The following RANBP2 variants were observed in gnomAD, a reference collection of about 807,000 sequenced individuals.
RANBP2 encodes the protein RAN binding protein 2, also known as E3 SUMO-protein ligase RanBP2.
RANBP2 carries 57 observed loss-of-function variants against 303.6 expected under a neutral mutation model. The ratio of observed to expected loss-of-function variants is 0.19; its 90% CI spans 0.15 to 0.23. The LOEUF is 0.23. Among genes scored for constraint, RANBP2 ranks in the 10% least tolerant of loss-of-function variants. RANBP2 has a pLI of 1.00. For synonymous variants in RANBP2, 1,167 were observed against 1,301.5 expected, an observed-to-expected ratio of 0.90 and a Z score of 2.23; for missense variants, 3,138 against 3,780.8, an observed-to-expected ratio of 0.83 and a Z score of 4.46.
At chr2:109,761,276 C>T in the RANBP2 span, among the ~76,000 whole-genome samples, 3 of 147,412 alleles carry the variant, frequency 2.0e-5, no homozygotes, top group Admixed American at 6.8e-5. Flanking sequence ...CTCTCCCACC[C>T]ACTTCCACCG....
the RANBP2 span, among the ~76,000 whole-genome samples, chr2:108,826,729 A>T: frequency 4.6e-5 from 7 of 152,186 alleles, no homozygotes. Flanking sequence ...GTTCTGGGTC[A>T]ATGGCATTTT....
At chr2:109,010,492 C>T in the RANBP2 span, among the ~76,000 whole-genome samples, 1 of 152,138 alleles carries the variant, frequency 6.6e-6, no homozygotes, top group African/African-American at 2.4e-5. Flanking sequence ...TGGCTTATTA[C>T]TCATGGTTCT....
At chr2:109,692,420 T>C in the RANBP2 span, among the ~76,000 whole-genome samples, 309 of 152,206 alleles carry the variant, frequency 2.0e-3, 2 homozygotes, top group Middle Eastern at 0.031. Context: ...AACCACTGAG[T>C]TGTTTACCTT....
the RANBP2 span, among the ~76,000 whole-genome samples, chr2:108,953,347 C>G: frequency 3.3e-5 from 5 of 152,162 alleles, no homozygotes. Context: ...CTGGGACTTT[C>G]TTCTGTGCAG....
chr2:109,456,477 C>A, the RANBP2 span, among the ~76,000 whole-genome samples: 6 of 152,212 alleles, frequency 3.9e-5, no homozygotes, highest in Non-Finnish European at 8.8e-5. Context: ...GGAGTGGCAA[C>A]CTTTCTCTAA....
chr2:109,267,666 G>T, the RANBP2 span, among the ~76,000 whole-genome samples: 26 of 152,294 alleles, frequency 1.7e-4, no homozygotes, highest in Middle Eastern at 3.4e-3. Context: ...CCTGAGGTCT[G>T]GGAGGCAGGA....
the RANBP2 span, among the ~76,000 whole-genome samples, chr2:109,033,289 C>G: frequency 6.6e-6 from 1 of 152,176 alleles, no homozygotes; most frequent in Non-Finnish European, 1.5e-5. Flanking sequence ...TTTTGTGAAA[C>G]AGAGACACTG....
the RANBP2 span, among the ~76,000 whole-genome samples, chr2:109,555,721 C>G: frequency 5.3e-5 from 8 of 152,176 alleles, no homozygotes; most frequent in African/African-American, 1.9e-4. Flanking sequence ...GCTGACCAAT[C>G]GTTACCTCTT....
At chr2:109,647,886 C>A in the RANBP2 span, among the ~76,000 whole-genome samples, 5 of 152,234 alleles carry the variant, frequency 3.3e-5, no homozygotes, top group African/African-American at 1.2e-4. Context: ...TGAGAACAAG[C>A]ATCATTCCAC....
At chr2:108,825,453 G>C in the RANBP2 span, among the ~76,000 whole-genome samples, 1 of 151,368 alleles carries the variant, frequency 6.6e-6, no homozygotes, top group Non-Finnish European at 1.5e-5. Context: ...CAACCCATTA[G>C]CAGTTGCCCA....
the RANBP2 span, among the ~76,000 whole-genome samples, chr2:109,051,232 C>T: frequency 1.3e-5 from 2 of 152,166 alleles, no homozygotes; most frequent in African/African-American, 4.8e-5. Flanking sequence ...GTTAACTTTG[C>T]CTACCCTGCT....
At chr2:109,347,607 G>T in the RANBP2 span, 1 of 1,558,498 alleles carries the variant, frequency 6.4e-7, no homozygotes, top group Non-Finnish European at 8.7e-7. Flanking sequence ...GGCCTGCCCC[G>T]GCAGATCCAC....
chr2:109,407,901 C>T, the RANBP2 span, among the ~76,000 whole-genome samples: 4 of 152,158 alleles, frequency 2.6e-5, no homozygotes, highest in Non-Finnish European at 4.4e-5. Flanking sequence ...TGATTTTTGT[C>T]GATTGCAAAG....
chr2:109,540,977 G>A, the RANBP2 span, among the ~76,000 whole-genome samples: 1 of 152,268 alleles, frequency 6.6e-6, no homozygotes, highest in East Asian at 1.9e-4. Context: ...TGTAATCCAA[G>A]TACTTACTGA....
the RANBP2 span, among the ~76,000 whole-genome samples, chr2:109,729,545 G>C: frequency 3.9e-5 from 6 of 152,130 alleles, no homozygotes; most frequent in Non-Finnish European, 8.8e-5. Context: ...AGCTACACGG[G>C]AGGTTGAGGC....
At chr2:108,843,876 G>GTCTGTGTGTGTGTGTGTT in the RANBP2 span, among the ~76,000 whole-genome samples, 1 of 13,872 alleles carries the variant, frequency 7.2e-5, no homozygotes, top group African/African-American at 9.6e-5. Context: ...GTGTGTGTGT[G>GTCTGTGTGTGTGTGTGTT]TGTTTCTTTC....
the RANBP2 span, among the ~76,000 whole-genome samples, chr2:109,648,845 G>T: frequency 0.22 from 33,564 of 151,552 alleles, 4,035 homozygotes; most frequent in Middle Eastern, 0.3. Context: ...GTAGAGATGG[G>T]TTTTCAGCAT....
chr2:109,327,596 T>G, the RANBP2 span, among the ~76,000 whole-genome samples: 1 of 152,242 alleles, frequency 6.6e-6, no homozygotes, highest in Non-Finnish European at 1.5e-5. Context: ...CTGAGTCCTC[T>G]TACTCAAGAA....
chr2:109,233,229 A>G, the RANBP2 span, among the ~76,000 whole-genome samples: 3 of 152,080 alleles, frequency 2.0e-5, no homozygotes, highest in Non-Finnish European at 4.4e-5. Flanking sequence ...CTTGTCCAGC[A>G]CCCTGGAAGA....
Sources: allele counts gnomAD v4.1 joint callset (sites outside exome capture counted in the v4.1 genomes callset), GRCh38; gene constraint gnomAD v4.1.1; transcripts MANE v1.5; gene names NCBI Gene and HGNC (gene_info 2026-07-23, HGNC 2026-07-21).